Variants in FHAD1 observed in about 807,000 individuals in gnomAD.
The protein encoded by FHAD1 is forkhead associated phosphopeptide binding domain 1, also known as forkhead-associated domain-containing protein 1.
FHAD1 carries 146 observed loss-of-function variants against 191.3 expected under a neutral mutation model. That is an observed-to-expected ratio of 0.76 (90% confidence interval 0.67 to 0.88). FHAD1 has a LOEUF of 0.88. FHAD1 is among the 40% of genes least tolerant of loss of function. FHAD1 has a pLI of 0.00. For synonymous variants in FHAD1, 616 were observed against 672.3 expected (o/e 0.92, Z 1.29); for missense variants, 1,635 against 1,785.8 (o/e 0.92, Z 1.52).
At chr1:15,288,526 C>T (rs1459820274) in intron 3 of FHAD1, among the ~76,000 whole-genome samples, 2 of 152,154 alleles carry the variant, frequency 1.3e-5, no homozygotes, top group Non-Finnish European at 2.9e-5. Context: ...ATAGAGGGAC[C>T]CACAGTATGG....
intron 3 of FHAD1, among the ~76,000 whole-genome samples, chr1:15,277,213 G>A (rs532850376): frequency 2.0e-5 from 3 of 152,198 alleles, no homozygotes; most frequent in Non-Finnish European, 2.9e-5. Context: ...GCAGTCCTTC[G>A]ACCCTCTTGC....
chr1:15,273,754 G>A (rs148535451), intron 3 of FHAD1, among the ~76,000 whole-genome samples: 12 of 152,210 alleles, frequency 7.9e-5, no homozygotes, highest in East Asian at 3.9e-4. Flanking sequence ...GAAATTCACC[G>A]TATTCACCGT....
chr1:15,254,285 C>T (rs1647148675), intron 2 of FHAD1, among the ~76,000 whole-genome samples: 1 of 152,172 alleles, frequency 6.6e-6, no homozygotes, highest in Non-Finnish European at 1.5e-5. Context: ...TGGAGATAGA[C>T]CTGGATTTGA....
chr1:15,293,609 T>C (rs1307128169), intron 4 of FHAD1, among the ~76,000 whole-genome samples: 1 of 152,086 alleles, frequency 6.6e-6, no homozygotes, highest in East Asian at 1.9e-4. Flanking sequence ...TCCCAGCTAC[T>C]CAGGAGGCTG....
intron 21 of FHAD1, among the ~76,000 whole-genome samples, chr1:15,359,842 C>G (rs1223252504): frequency 1.3e-5 from 2 of 152,108 alleles, no homozygotes; most frequent in Non-Finnish European, 2.9e-5. Flanking sequence ...CCCAGCTACT[C>G]AGGAGGCTGA....
chr1:15,307,963 C>G (rs1221595104), intron 6 of FHAD1, among the ~76,000 whole-genome samples: 2 of 152,180 alleles, frequency 1.3e-5, no homozygotes, highest in African/African-American at 4.8e-5. Flanking sequence ...ATCTCCTGAC[C>G]TCATGATCCA....
chr1:15,367,238 G>A (rs959059621), intron 24 of FHAD1, among the ~76,000 whole-genome samples: 2 of 152,154 alleles, frequency 1.3e-5, no homozygotes, highest in Non-Finnish European at 2.9e-5. Context: ...CCTTACACCT[G>A]TAGTCCCCGC....
At position 15,310,754 on chromosome 1, in the gene FHAD1, C is replaced by T. The variant is rs139184346; in HGVS notation, c.1039+2018C>T. 3.3e-5 allele frequency among the ~76,000 whole-genome samples: 5 copies of T among 152,284 alleles called. No homozygotes were observed. The East Asian group carries it at 9.7e-4, about 29-fold the overall frequency. On this transcript the variant is annotated intron_variant, in intron 7 of 33. Transcript: ENST00000688493. Reference sequence around the variant, plus strand: ...GGGTTACGCTGCAGTGACAAACAGTCCCCCAAGTCTCAGTGGCTCACAATA... The same window carrying T: ...GGGTTACGCTGCAGTGACAAACAGTTCCCCAAGTCTCAGTGGCTCACAATA...
chr1:15,309,532 G>T (rs963495175), intron 7 of FHAD1, among the ~76,000 whole-genome samples: 1 of 152,154 alleles, frequency 6.6e-6, no homozygotes, highest in African/African-American at 2.4e-5. Context: ...AAGCACTCAG[G>T]GGGTGAAGTG....
chr1:15,374,868 T>G (rs566652969), intron 27 of FHAD1, among the ~76,000 whole-genome samples: 5,481 of 149,674 alleles, frequency 0.037, 163 homozygotes, highest in Non-Finnish European at 0.059. Context: ...TTGTTTGTTT[T>G]TTTTTTTTGA....
chr1:15,311,263 C>T lies in FHAD1; in HGVS notation c.1040-1794C>T, dbSNP rs745650489. 3.2e-4 allele frequency among the ~76,000 whole-genome samples: 49 copies of T among 152,046 alleles called. No homozygotes were observed. Among genetic ancestry groups the T allele is most frequent in the Admixed American group, 3.3e-4 (5 of 15,260 alleles). On this transcript the variant is annotated intron_variant, in intron 7 of 33. Coordinates refer to ENST00000688493, the MANE Select transcript of FHAD1 (RefSeq NM_001391957.1). The surrounding 1 kb of genome is among the most constrained non-coding windows in gnomAD (Gnocchi z 4.1). ...GGAGGGGGCTGCACGGAGAGCACCC[C>T]GGAGATCTCAGAGGGTCCGCCTCAA...
In FHAD1 at chr1:15,381,318, G is replaced by A. The variant is rs757908013; in HGVS notation, c.3889G>A (p.Glu1297Lys). 1 of 1,551,642 alleles carries A rather than the reference G, an allele frequency of 6.4e-7. No individual in the cohort carries two copies. The highest frequency in any genetic ancestry group is 1.2e-5 in the South Asian group (1 of 84,052). The change falls in exon 30 of 34, where the codon GAG becomes AAG. Residue 1297 changes from glutamate to lysine, a missense_variant. Coordinates refer to ENST00000688493, the MANE Select transcript of FHAD1 (RefSeq NM_001391957.1). The surrounding 1 kb of genome is among the most constrained non-coding windows in gnomAD (Gnocchi z 4.6). ...HVSMKYLSRQEREKVNQLRQR... is the reference protein window; with the variant it reads ...HVSMKYLSRQKREKVNQLRQR... ...GTCCATGAAATACCTCTCCCGCCAG[G>A]AGAGGGAGAAGGTCAACCAGCTTCG...
At chr1:15,314,268 G>C (rs1209132458) in intron 8 of FHAD1, among the ~76,000 whole-genome samples, 2 of 152,148 alleles carry the variant, frequency 1.3e-5, no homozygotes, top group African/African-American at 4.8e-5. Flanking sequence ...CACCCAGGCA[G>C]GGTGGATCTG....
chr1:15,378,935 T>G (rs1335276059), intron 28 of FHAD1, among the ~76,000 whole-genome samples: 1 of 152,106 alleles, frequency 6.6e-6, no homozygotes, highest in Non-Finnish European at 1.5e-5. Flanking sequence ...TTCTATGCCT[T>G]TGGCTGGGGC....
intron 2 of FHAD1, among the ~76,000 whole-genome samples, chr1:15,262,682 T>C (rs1651629243): frequency 6.6e-6 from 1 of 152,242 alleles, no homozygotes; most frequent in Non-Finnish European, 1.5e-5. Flanking sequence ...GACCACGTTT[T>C]GTTTATCTTT....
chr1:15,301,227 GAA>G lies in FHAD1; in HGVS notation c.704_705del (p.Lys235ArgfsTer9). 6.4e-7 allele frequency: 1 copy of G among 1,551,702 alleles called. No homozygotes were observed. The highest frequency in any genetic ancestry group is 8.7e-7 in the Non-Finnish European group (1 of 1,147,020). ...CAGGATGAAATAATTCTGCTGCTGG[GAA>G]AAGAGGTCAGCCGTCTCTCAGATTA... On this transcript the variant is annotated frameshift_variant, in exon 6 of 34. Coordinates refer to ENST00000688493, the MANE Select transcript of FHAD1 (RefSeq NM_001391957.1). LOFTEE classifies it high-confidence loss of function.
chr1:15,346,281 C>T (rs755020572), intron 18 of FHAD1, among the ~76,000 whole-genome samples: 6 of 152,142 alleles, frequency 3.9e-5, no homozygotes, highest in Admixed American at 6.5e-5. Context: ...TATTTGGCCC[C>T]GGAATATTTT....
intron 2 of FHAD1, among the ~76,000 whole-genome samples, chr1:15,253,459 G>A (rs1647037483): frequency 6.6e-6 from 1 of 152,104 alleles, no homozygotes; most frequent in Non-Finnish European, 1.5e-5. Flanking sequence ...GTATGTTTCT[G>A]CGTTGATTTA....
intron 12 of FHAD1, 76 bp from the exon 13 acceptor site, chr1:15,328,201 T>G: frequency 2.6e-5 from 32 of 1,230,582 alleles, no homozygotes; most frequent in East Asian, 1.4e-4. Context: ...CCCTCTCCCA[T>G]TCCCCTTCCC....
Sources: allele counts gnomAD v4.1 joint callset (sites outside exome capture counted in the v4.1 genomes callset), GRCh38; gene constraint gnomAD v4.1.1; non-coding constraint Gnocchi (gnomAD v3.1); transcripts MANE v1.5; gene names NCBI Gene and HGNC (gene_info 2026-07-23, HGNC 2026-07-21).